The following NKAIN1 variants were observed in gnomAD, a reference collection of about 807,000 sequenced individuals.
NKAIN1 encodes sodium/potassium-transporting ATPase subunit beta-1-interacting protein 1.
A neutral mutation model predicts 31.6 loss-of-function variants in NKAIN1; 13 were observed. That is an observed-to-expected ratio of 0.41 (90% CI 0.27 to 0.65). The LOEUF is 0.65. Ranked by LOEUF, NKAIN1 falls within the 30% of genes least tolerant of loss-of-function variation. The probability of loss-of-function intolerance (pLI) is 0.30; values close to 1 mark genes in which losing one functional copy is unlikely to be tolerated. For missense variants in NKAIN1, 193 were observed against 262.2 expected (o/e 0.74, Z 1.82); for synonymous variants, 104 against 109.0 (o/e 0.95, Z 0.28).
Position 31,199,343 on chromosome 1 carries a change from C to T in NKAIN1, c.55-11156G>A, listed in dbSNP as rs184222685. Among the ~76,000 whole-genome samples, 40 of 152,288 alleles carry T rather than the reference C, an allele frequency of 2.6e-4. 1 individual carries two copies. The highest frequency in any genetic ancestry group is 5.2e-4 in the Admixed American group (8 of 15,286). ...GGATTCAGACAGTGCCCATAAAGCT[C>T]GCAGCCAGCCGGATGTCTGGCACGC... On this transcript the variant is annotated intron_variant, in intron 1 of 6. Transcript: ENST00000373736.
chr1:31,239,582 G>T lies in NKAIN1; in HGVS notation c.-35C>A, dbSNP rs1374070947. 2.9e-5 allele frequency: 34 copies of T among 1,185,766 alleles called. No homozygotes were observed. Among genetic ancestry groups the T allele is most frequent in the Non-Finnish European group, 3.2e-5 (31 of 956,168 alleles). 73.5% of individuals were successfully genotyped at this position (1,185,766 alleles called of 1,614,324 possible). A position where few individuals can be genotyped will look rare whatever the true frequency, so the allele number is the denominator to read the frequency against. On this transcript the variant is annotated 5_prime_UTR_variant, in exon 1 of 7. Transcript: ENST00000373736. This position sits in a 1 kb window ranked among gnomAD's most constrained non-coding sequence, Gnocchi z 4.8. ...GGCTGCGCGGGCCGCACGCCGCGGC[G>T]CCCTTCTTGCTCCGCGGCCGCCGCC...
At chr1:31,184,515 T>C (rs1277583016) in intron 3 of NKAIN1, among the ~76,000 whole-genome samples, 1 of 152,174 alleles carries the variant, frequency 6.6e-6, no homozygotes, top group African/African-American at 2.4e-5. Flanking sequence ...AGCACTCAGA[T>C]GTGTGACCTT....
chr1:31,226,312 C>CA (rs10671984), intron 1 of NKAIN1, among the ~76,000 whole-genome samples: 21,180 of 145,020 alleles, frequency 0.15, 1,718 homozygotes, highest in East Asian at 0.26. Context: ...AGAAATGCAG[C>CA]AAAAAAAAAA....
At chr1:31,230,085 A>G (rs1645634102) in intron 1 of NKAIN1, among the ~76,000 whole-genome samples, 2 of 152,188 alleles carry the variant, frequency 1.3e-5, no homozygotes, top group South Asian at 2.1e-4. Context: ...CAGATGAAGA[A>G]GAACTGCTGC....
At chr1:31,221,031 G>C (rs1221805554) in intron 1 of NKAIN1, among the ~76,000 whole-genome samples, 2 of 152,140 alleles carry the variant, frequency 1.3e-5, no homozygotes, top group African/African-American at 4.8e-5. Context: ...ATGGAGGCAG[G>C]GGACAAGTTG....
intron 1 of NKAIN1, among the ~76,000 whole-genome samples, chr1:31,220,625 T>A (rs1469753179): frequency 6.6e-6 from 1 of 151,942 alleles, no homozygotes; most frequent in Admixed American, 6.6e-5. Context: ...TGTGGTGGCA[T>A]GCACCTATAA....
At chr1:31,210,509 G>A (rs1645459626) in intron 1 of NKAIN1, among the ~76,000 whole-genome samples, 3 of 152,030 alleles carry the variant, frequency 2.0e-5, no homozygotes, top group African/African-American at 7.2e-5. Context: ...GGCTAGTCTC[G>A]AACAACTGAC....
chr1:31,239,436 G>A lies in NKAIN1; in HGVS notation c.54+58C>T. 3 of 1,350,654 alleles carry A rather than the reference G, an allele frequency of 2.2e-6. No individual in the cohort carries two copies. The highest frequency in any genetic ancestry group is 1.9e-6 in the Non-Finnish European group (2 of 1,030,442). The allele number at this position is 1,350,654 out of a possible 1,614,324, so 83.7% of individuals were successfully genotyped here. ...ACACGCAACCCCACCCGCACGCCCT[G>A]GGACCGCGCCCCGCCGCGCCCCACC... On this transcript the variant is annotated intron_variant, in intron 1 of 6. Coordinates refer to ENST00000373736, the MANE Select transcript of NKAIN1 (RefSeq NM_024522.3). The surrounding 1 kb of genome is among the most constrained non-coding windows in gnomAD (Gnocchi z 4.8).
At chr1:31,234,446 C>T (rs940239283) in intron 1 of NKAIN1, among the ~76,000 whole-genome samples, 1 of 134,982 alleles carries the variant, frequency 7.4e-6, no homozygotes, top group Non-Finnish European at 1.5e-5. Context: ...CTACATCCCG[C>T]CCCCCGCCCC....
At chr1:31,206,238 A>AAATAAATAAATG (rs2148357405) in intron 1 of NKAIN1, among the ~76,000 whole-genome samples, 1 of 31,878 alleles carries the variant, frequency 3.1e-5, no homozygotes, top group African/African-American at 9.7e-5. Context: ...TCCATCTCAA[A>AAATAAATAAATG]AATAAATAAA....
At chr1:31,231,485 C>T (rs906757165) in intron 1 of NKAIN1, among the ~76,000 whole-genome samples, 11 of 150,832 alleles carry the variant, frequency 7.3e-5, no homozygotes, top group African/African-American at 2.2e-4. Context: ...CCTCATTCTA[C>T]GCACTATCTC....
chr1:31,197,190 C>T (rs1349379962), intron 1 of NKAIN1, among the ~76,000 whole-genome samples: 1 of 150,808 alleles, frequency 6.6e-6, no homozygotes, highest in East Asian at 1.9e-4. Context: ...CGGCTCACTG[C>T]AAGCTCTGCC....
At chr1:31,201,326 C>T (rs1050326003) in intron 1 of NKAIN1, among the ~76,000 whole-genome samples, 1 of 151,586 alleles carries the variant, frequency 6.6e-6, no homozygotes, top group African/African-American at 2.4e-5. Flanking sequence ...GTCTATAAAC[C>T]TCATGCTCAT....
At chr1:31,232,891 T>C (rs548696446) in intron 1 of NKAIN1, among the ~76,000 whole-genome samples, 1 of 152,200 alleles carries the variant, frequency 6.6e-6, no homozygotes, top group Non-Finnish European at 1.5e-5. Context: ...CTTCTGAGCC[T>C]CAGTATGTCC....
rs1285856220 is a variant in NKAIN1, at chr1:31,233,780, G to A, written c.54+5714C>T. ...CTTTCCTAGGCCAGGGACCGTACTT[G>A]GCTATCCCGGCATCAACTTGCGAAT... On this transcript the variant is annotated intron_variant, in intron 1 of 6. Transcript: ENST00000373736. The surrounding 1 kb of genome is among the most constrained non-coding windows in gnomAD (Gnocchi z 4.0). Among the ~76,000 whole-genome samples, 1 of 152,176 alleles carries A rather than the reference G, an allele frequency of 6.6e-6. No homozygotes were observed. The highest frequency in any genetic ancestry group is 1.5e-5 in the Non-Finnish European group (1 of 68,038).
chr1:31,236,686 C>G (rs1284891032), intron 1 of NKAIN1, among the ~76,000 whole-genome samples: 1 of 152,182 alleles, frequency 6.6e-6, no homozygotes, highest in Non-Finnish European at 1.5e-5. Context: ...CAAAGCCACC[C>G]AGCCGGGATG....
At chr1:31,193,784 T>G (rs1027616265) in intron 1 of NKAIN1, 40 of 151,942 alleles carry the variant, frequency 2.6e-4, no homozygotes, top group African/African-American at 8.5e-4. Flanking sequence ...CAAATAATAA[T>G]AAGAACAAAA....
chr1:31,232,630 C>A (rs1328238781), intron 1 of NKAIN1, among the ~76,000 whole-genome samples: 1 of 151,124 alleles, frequency 6.6e-6, no homozygotes, highest in Non-Finnish European at 1.5e-5. Flanking sequence ...CTTAGTCTGC[C>A]TTCCTGTCAC....
intron 1 of NKAIN1, among the ~76,000 whole-genome samples, chr1:31,192,315 A>G (rs1423276399): frequency 6.6e-6 from 1 of 152,110 alleles, no homozygotes; most frequent in Non-Finnish European, 1.5e-5. Context: ...CACATCTGAC[A>G]TGCCCTCACC....
Sources: gnomAD v4.1 joint callset for allele counts (sites outside exome capture counted in the v4.1 genomes callset) on GRCh38, gnomAD v4.1.1 for gene constraint, Gnocchi (gnomAD v3.1) non-coding constraint, MANE v1.5 for transcripts, NCBI Gene and HGNC (gene_info 2026-07-23, HGNC 2026-07-21) for gene names.